The following RBM26 variants were observed in gnomAD, a reference collection of about 807,000 sequenced individuals.
RBM26 encodes RNA-binding protein 26.
A neutral mutation model predicts 123.6 loss-of-function variants in RBM26; 30 were observed. The ratio of observed to expected loss-of-function variants is 0.24; its 90% CI spans 0.18 to 0.33. The LOEUF (loss-of-function observed/expected upper bound fraction) is 0.33, where lower values mean the gene tolerates loss of function less well. RBM26 is among the 10% of genes least tolerant of loss of function. The probability of loss-of-function intolerance (pLI) is 1.00; values close to 1 mark genes in which losing one functional copy is unlikely to be tolerated. For missense variants in RBM26, 947 were observed against 1,203.6 expected, an observed-to-expected ratio of 0.79 and a Z score of 3.15; for synonymous variants, 400 against 404.4, an observed-to-expected ratio of 0.99 and a Z score of 0.13.
At chr13:79,400,222 G>A (rs974459170) in intron 1 of RBM26, among the ~76,000 whole-genome samples, 7 of 152,208 alleles carry the variant, frequency 4.6e-5, no homozygotes, top group East Asian at 1.9e-4. Flanking sequence ...GTCTTAGTCC[G>A]TTTGTGCTGC....
intron 3 of RBM26, chr13:79,376,270 AC>A (rs1445087317): frequency 6.5e-6 from 1 of 153,150 alleles, no homozygotes; most frequent in Non-Finnish European, 1.4e-5. Flanking sequence ...TTTGATCTGC[AC>A]CCTCAGGCTC....
intron 3 of RBM26, among the ~76,000 whole-genome samples, chr13:79,375,089 TATATATTTATATATATC>T (rs1240384699): frequency 1.1e-5 from 1 of 94,982 alleles, no homozygotes; most frequent in Non-Finnish European, 2.2e-5. Flanking sequence ...TATATATAAA[TATATATTTATATATATC>T]ATATAAATAT....
intron 6 of RBM26, among the ~76,000 whole-genome samples, chr13:79,367,406 C>CAAAAAAAAAAAAAAA (rs776345304): frequency 0.017 from 675 of 39,572 alleles, 76 homozygotes; most frequent in Non-Finnish European, 0.034. Flanking sequence ...GACTCCATCT[C>CAAAAAAAAAAAAAAA]AAAAAAAAAA....
intron 14 of RBM26, among the ~76,000 whole-genome samples, chr13:79,348,889 C>A (rs758624496): frequency 6.6e-6 from 1 of 152,156 alleles, no homozygotes; most frequent in Non-Finnish European, 1.5e-5. Context: ...TGTTTTAATG[C>A]ACTGATCTAC....
chr13:79,317,392 A>G (rs2067249897), downstream of RBM26, among the ~76,000 whole-genome samples: 1 of 151,700 alleles, frequency 6.6e-6, no homozygotes, highest in Non-Finnish European at 1.5e-5. Context: ...TGTAAAAGGG[A>G]CCTTAGAGAT....
At chr13:79,367,666 C>T (rs930455512) in intron 6 of RBM26, among the ~76,000 whole-genome samples, 62 of 152,168 alleles carry the variant, frequency 4.1e-4, no homozygotes, top group African/African-American at 1.5e-3. Flanking sequence ...CCTTCGCCTT[C>T]TACCATGATT....
chr13:79,365,982 C>G (rs1013176441), intron 8 of RBM26, 73 bp downstream of exon 8: 8 of 1,438,336 alleles, frequency 5.6e-6, no homozygotes, highest in Non-Finnish European at 6.7e-6. Flanking sequence ...CAGAGCAATT[C>G]TCTCTAGACA....
At position 79,365,431 on chromosome 13, in the gene RBM26, A is replaced by C. The variant is rs143501626; in HGVS notation, c.1417+147T>G. On this transcript the variant is annotated intron_variant, in intron 9 of 21. Coordinates refer to ENST00000438737, the MANE Select transcript of RBM26 (RefSeq NM_001366735.2). The stretch of plus-strand genomic sequence containing the variant: ...GCACTCCAGCCTAGGCCACAGAGTG[A>C]GACTCTGTCTCCAAAAATAAAATGA... 1.5e-4 allele frequency: 100 copies of C among 658,268 alleles called. No homozygotes were observed. In the African/African-American group the frequency reaches 1.7e-3, roughly 11 times the overall value. 40.8% of individuals were successfully genotyped at this position (658,268 alleles called of 1,614,324 possible).
chr13:79,335,996 C>T (rs2138911208), intron 19 of RBM26, among the ~76,000 whole-genome samples: 1 of 152,138 alleles, frequency 6.6e-6, no homozygotes, highest in East Asian at 1.9e-4. Flanking sequence ...CTTTAGACTC[C>T]TCATTCTTAA....
intron 3 of RBM26, among the ~76,000 whole-genome samples, chr13:79,373,636 T>A (rs1180854667): frequency 1.2e-5 from 1 of 85,072 alleles, no homozygotes; most frequent in African/African-American, 5.0e-5. Context: ...TTACTATATA[T>A]ATTTATATAG....
intron 20 of RBM26, among the ~76,000 whole-genome samples, chr13:79,330,930 A>G (rs2069196021): frequency 6.6e-6 from 1 of 152,174 alleles, no homozygotes; most frequent in Non-Finnish European, 1.5e-5. Flanking sequence ...GTAAAAACAC[A>G]CACACATACA....
rs2073846583 is a variant in RBM26 at position 79,355,327 on chromosome 13, C to T, written c.1747G>A (p.Ala583Thr). The T allele has an allele frequency of 1.2e-6, 2 of 1,613,844 alleles. No individual in the cohort carries two copies. Among genetic ancestry groups the T allele is most frequent in the Non-Finnish European group, 1.7e-6 (2 of 1,179,782 alleles). Residue 583 changes from alanine to threonine, a missense_variant, in exon 12 of 22, where the codon GCA becomes ACA. Ala to Thr is a moderately conservative substitution (Grantham distance 58, BLOSUM62 0). Around this residue, in one of 5 missense-constraint regions of RBM26, gnomAD observed 493 missense variants for 563.1 expected, o/e 0.88. Transcript: ENST00000438737. ...TCCGTACTTGATATTGCTTTCTTTG[C>T]TTCTTCGTATGTTGCAAATTGGATT... The part of the protein sequence containing the change: ...ALIQFATYEE[A>T]KKAISSTEAV...
At chr13:79,322,857 AT>A (rs928539083) in intron 20 of RBM26, among the ~76,000 whole-genome samples, 1 of 151,506 alleles carries the variant, frequency 6.6e-6, no homozygotes, top group African/African-American at 2.4e-5. Flanking sequence ...GTCTGAATCA[AT>A]GTCTAAATTA....
intron 14 of RBM26, among the ~76,000 whole-genome samples, chr13:79,350,231 A>C (rs984136041): frequency 2.0e-5 from 3 of 152,226 alleles, no homozygotes; most frequent in Non-Finnish European, 4.4e-5. Flanking sequence ...ATATTTTTAC[A>C]TTGCAAAAAC....
rs570198430 is a variant in RBM26 at position 79,354,083 on chromosome 13, T to G, written c.1986+356A>C. On this transcript the variant is annotated intron_variant, in intron 13 of 21. Transcript: ENST00000438737. ...CACAATTATCTCCGGAACAGAATTC[T>G]AATTAAGTAAAAAGATGATGGAAAA... 7.4e-4 allele frequency among the ~76,000 whole-genome samples: 113 copies of G among 152,268 alleles called. 2 individuals carry two copies. The highest frequency in any genetic ancestry group is 3.4e-3 in the Middle Eastern group (1 of 294).
intron 14 of RBM26, among the ~76,000 whole-genome samples, chr13:79,347,888 T>C (rs2072599194): frequency 6.6e-6 from 1 of 152,110 alleles, no homozygotes; most frequent in African/African-American, 2.4e-5. Flanking sequence ...CACAATTGAA[T>C]ATTATGTTAG....
Position 79,355,315 on chromosome 13 carries a change from T to C in RBM26, c.1759A>G (p.Ile587Val), listed in dbSNP as rs1207599123. The change falls in exon 12 of 22, where the codon ATA becomes GTA. Residue 587 changes from isoleucine to valine, a missense_variant. Physicochemically the swap from Ile to Val is conservative, Grantham distance 29 (BLOSUM62 3). Transcript: ENST00000438737. ...FATYEEAKKAISSTEAVLNNR... is the reference protein window; with the variant it reads ...FATYEEAKKAVSSTEAVLNNR... Reference sequence around the variant, plus strand: ...TTTAATACTGCTTCCGTACTTGATATTGCTTTCTTTGCTTCTTCGTATGTT... The same window carrying C: ...TTTAATACTGCTTCCGTACTTGATACTGCTTTCTTTGCTTCTTCGTATGTT... 9.3e-6 allele frequency: 15 copies of C among 1,613,848 alleles called. No homozygotes were observed. The highest frequency in any genetic ancestry group is 4.0e-5 in the African/African-American group (3 of 74,934).
At chr13:79,364,344 C>A (rs1036841751) in intron 9 of RBM26, among the ~76,000 whole-genome samples, 1 of 152,122 alleles carries the variant, frequency 6.6e-6, no homozygotes, top group Non-Finnish European at 1.5e-5. Context: ...AGAAAAAACA[C>A]AAAGTATATG....
intron 1 of RBM26, among the ~76,000 whole-genome samples, chr13:79,390,776 T>A (rs2077899952): frequency 6.6e-6 from 1 of 152,162 alleles, no homozygotes; most frequent in African/African-American, 2.4e-5. Flanking sequence ...CTTTTCTGTA[T>A]ATTCAAAATT....
Sources: gnomAD v4.1 joint callset for allele counts (sites outside exome capture counted in the v4.1 genomes callset) on GRCh38, gnomAD v4.1.1 for gene constraint, gnomAD v4.1.1 regional missense constraint, MANE v1.5 for transcripts, NCBI Gene and HGNC (gene_info 2026-07-23, HGNC 2026-07-21) for gene names.